The following ABCC9 variants were observed in gnomAD, a reference collection of about 807,000 sequenced individuals.
ABCC9 encodes ATP-binding cassette sub-family C member 9.
ABCC9 carries 95 observed loss-of-function variants against 188.3 expected under a neutral mutation model. The observed-to-expected ratio is 0.50, with a 90% CI of 0.43 to 0.60. The LOEUF is 0.60. ABCC9 is among the 20% of genes least tolerant of loss of function. ABCC9 has a pLI of 0.00. For synonymous variants in ABCC9, 659 were observed against 652.7 expected (o/e 1.01, Z -0.15); for missense variants, 1,102 against 1,876.3 (o/e 0.59, Z 7.62).
chr12:21,882,086 C>T (rs570046265), intron 16 of ABCC9, among the ~76,000 whole-genome samples: 55 of 152,264 alleles, frequency 3.6e-4, no homozygotes, highest in Middle Eastern at 3.4e-3. Context: ...TGAGCCTCCC[C>T]GTCTCTGTGA....
chr12:21,875,352 T>C (rs1946288710), intron 17 of ABCC9, among the ~76,000 whole-genome samples: 1 of 152,218 alleles, frequency 6.6e-6, no homozygotes, highest in African/African-American at 2.4e-5. Context: ...CATATACTCT[T>C]TCTTTAAAGT....
At chr12:21,907,226 T>C (rs1012648015) in intron 11 of ABCC9, among the ~76,000 whole-genome samples, 2 of 151,994 alleles carry the variant, frequency 1.3e-5, no homozygotes, top group Non-Finnish European at 2.9e-5. Flanking sequence ...TCCACACCTT[T>C]CTGTATTTGT....
chr12:21,871,601 G>A (rs1470868952), intron 18 of ABCC9, among the ~76,000 whole-genome samples: 2 of 152,064 alleles, frequency 1.3e-5, no homozygotes, highest in African/African-American at 2.4e-5. Context: ...ACTCAGCCAC[G>A]GTGGAATTCA....
At chr12:21,838,878 TAGCC>T (rs1176274791) in intron 29 of ABCC9, among the ~76,000 whole-genome samples, 2 of 152,016 alleles carry the variant, frequency 1.3e-5, no homozygotes, top group Non-Finnish European at 2.9e-5. Flanking sequence ...ACCAAAAAAT[TAGCC>T]AGCCGTGGTG....
At position 21,815,882 on chromosome 12, in the gene ABCC9, C is replaced by A. The variant is rs763337024; in HGVS notation, c.3904G>T (p.Val1302Phe). Residue 1302 changes from valine to phenylalanine, a missense_variant, in exon 34 of 40, where the codon GTT (valine) becomes TTT (phenylalanine). Physicochemically the swap from Val to Phe is conservative, Grantham distance 50 (BLOSUM62 -1). Coordinates refer to ENST00000261200, the MANE Select transcript of ABCC9 (RefSeq NM_020297.4). Reference protein sequence around the residue: ...NYEGTMDPSQVPEHWPQEGEI... With the variant: ...NYEGTMDPSQFPEHWPQEGEI... ...CCTTCTTGTGGCCAATGTTCTGGAACTTGAGAAGGATCTGGAGGATGGGAT... is the reference window on the plus strand; with the variant it reads ...CCTTCTTGTGGCCAATGTTCTGGAAATTGAGAAGGATCTGGAGGATGGGAT... 1 of 1,612,832 alleles carries A rather than the reference C, an allele frequency of 6.2e-7. No homozygotes were observed. The highest frequency in any genetic ancestry group is 1.1e-5 in the South Asian group (1 of 91,046).
intron 31 of ABCC9, among the ~76,000 whole-genome samples, chr12:21,828,740 A>G (rs1943537707): frequency 6.6e-6 from 1 of 152,228 alleles, no homozygotes; most frequent in African/African-American, 2.4e-5. Flanking sequence ...TGAACACAAA[A>G]TGAATTTTTG....
chr12:21,818,011 A>ACC, intron 32 of ABCC9, 139 bp downstream of exon 32: 2 of 408,408 alleles, frequency 4.9e-6, no homozygotes, highest in Admixed American at 2.8e-5. Flanking sequence ...CCCTCCCCTC[A>ACC]CCCCCACCCC....
At chr12:21,931,145 T>C (rs1338993714) in intron 4 of ABCC9, among the ~76,000 whole-genome samples, 1 of 152,118 alleles carries the variant, frequency 6.6e-6, no homozygotes, top group East Asian at 1.9e-4. Context: ...TCCCCATGTG[T>C]TGGGGGAGGG....
intron 30 of ABCC9, 119 bp from the exon 31 acceptor site, chr12:21,829,179 G>A: frequency 1.9e-5 from 7 of 362,416 alleles, no homozygotes; most frequent in Non-Finnish European, 3.2e-5. Context: ...GGAATGATCA[G>A]TAAATAGATT....
chr12:21,820,360 G>A (rs891403067), intron 31 of ABCC9, among the ~76,000 whole-genome samples: 3 of 151,978 alleles, frequency 2.0e-5, no homozygotes, highest in Non-Finnish European at 4.4e-5. Flanking sequence ...CCTCCTGCCA[G>A]CTGACTTCAT....
chr12:21,939,903 C>T (rs967715212), intron 2 of ABCC9, among the ~76,000 whole-genome samples: 1 of 152,146 alleles, frequency 6.6e-6, no homozygotes, highest in Non-Finnish European at 1.5e-5. Flanking sequence ...GTTTTTATTC[C>T]TCGAAATGCA....
At chr12:21,837,373 G>A (rs191404935) in intron 30 of ABCC9, among the ~76,000 whole-genome samples, 21 of 152,146 alleles carry the variant, frequency 1.4e-4, no homozygotes, top group Admixed American at 8.5e-4. Context: ...AATAAATTTC[G>A]TAGGTTAGAA....
intron 39 of ABCC9, among the ~76,000 whole-genome samples, chr12:21,804,772 C>T (rs1450752855): frequency 6.6e-6 from 1 of 152,204 alleles, no homozygotes; most frequent in African/African-American, 2.4e-5. Flanking sequence ...GCACTCCATA[C>T]ACAACTCACA....
At chr12:21,818,009 T>G in intron 32 of ABCC9, 141 bp downstream of exon 32, 2 of 354,864 alleles carry the variant, frequency 5.6e-6, no homozygotes, top group Non-Finnish European at 5.7e-6. Context: ...TTCCCTCCCC[T>G]CACCCCCACC....
At position 21,844,729 on chromosome 12, in the gene ABCC9, A is replaced by T. The variant is rs201967706; in HGVS notation, c.3245+38T>A. ...AAATTGAAAAATGCATATTTTTATT[A>T]TTTTATGTGTGGGAGTGAGAAATAA... On this transcript the variant is annotated intron_variant, in intron 27 of 39. Transcript: ENST00000261200. The T allele has an allele frequency of 8.9e-5, 143 of 1,610,708 alleles. No individual in the cohort carries two copies. The African/African-American group carries it at 1.8e-3, about 20-fold the overall frequency.
At chr12:21,893,143 A>G (rs146883496) in intron 14 of ABCC9, among the ~76,000 whole-genome samples, 2,372 of 151,996 alleles carry the variant, frequency 0.016, 65 homozygotes, top group African/African-American at 0.054. Context: ...GCAGTGTATC[A>G]TCTAGTTTGG....
chr12:21,808,750 G>A (rs1473604118), intron 37 of ABCC9, among the ~76,000 whole-genome samples: 2 of 137,044 alleles, frequency 1.5e-5, no homozygotes. Flanking sequence ...CTGCACTCAA[G>A]TCTGGGTAAC....
intron 17 of ABCC9, 28 bp downstream of exon 17, chr12:21,875,626 A>G (rs775914315): frequency 9.1e-6 from 14 of 1,533,030 alleles, no homozygotes; most frequent in Non-Finnish European, 1.3e-5. Context: ...ATGAACAATT[A>G]CAAAAATGCA....
chr12:21,834,765 C>A (rs947351258), intron 30 of ABCC9, among the ~76,000 whole-genome samples: 1 of 145,768 alleles, frequency 6.9e-6, no homozygotes, highest in African/African-American at 2.6e-5. Context: ...ATGACTTATA[C>A]ATATAGCATA....
Sources: allele counts gnomAD v4.1 joint callset (sites outside exome capture counted in the v4.1 genomes callset), GRCh38; gene constraint gnomAD v4.1.1; transcripts MANE v1.5; gene names NCBI Gene and HGNC (gene_info 2026-07-23, HGNC 2026-07-21).